SCUBE2: variants seen among roughly 807,000 people sequenced by gnomAD.
SCUBE2 encodes the protein signal peptide, CUB and EGF-like domain-containing protein 2.
Under a neutral mutation model 125.9 loss-of-function variants are expected in SCUBE2, and 114 were observed. That is an observed-to-expected ratio of 0.91 (90% confidence interval 0.78 to 1.06). SCUBE2 has a LOEUF of 1.06. SCUBE2 is among the 50% of genes least tolerant of loss of function. SCUBE2 has a pLI of 0.00. For synonymous variants in SCUBE2, 459 were observed against 492.9 expected, an observed-to-expected ratio of 0.93 and a Z score of 0.91; for missense variants, 1,255 against 1,301.8, an observed-to-expected ratio of 0.96 and a Z score of 0.55.
rs149923848 is a variant in SCUBE2 at position 9,027,400 on chromosome 11, C to T, written c.2665G>A (p.Asp889Asn). Reference protein sequence around the residue: ...VVPEIFLPIEDDCGDYLVMRK... With the variant: ...VVPEIFLPIENDCGDYLVMRK... ...ATCACCAGATAGTCCCCACAGTCGT[C>T]CTCTATGGGCAGGAAGATCTCAGGG... Residue 889 changes from aspartate to asparagine, a missense_variant, in exon 20 of 23, where the codon GAC becomes AAC. Asp to Asn is a conservative substitution (Grantham distance 23). Around this residue, in one of 3 missense-constraint regions of SCUBE2, gnomAD observed 515 missense variants for 515.7 expected, o/e 1.00. Coordinates refer to ENST00000649792, the MANE Select transcript of SCUBE2 (RefSeq NM_001367977.2). 7.8e-5 allele frequency: 126 copies of T among 1,614,038 alleles called. 1 individual carries two copies. In the East Asian group the frequency reaches 2.8e-3, roughly 35 times the overall value.
intron 19 of SCUBE2, among the ~76,000 whole-genome samples, chr11:9,029,084 C>T (rs536914442): frequency 3.9e-5 from 6 of 152,316 alleles, no homozygotes; most frequent in Non-Finnish European, 8.8e-5. Context: ...GCTCCTCTGA[C>T]TGCTATCTTA....
At chr11:9,039,550 G>A (rs370399158) in intron 16 of SCUBE2, among the ~76,000 whole-genome samples, 118 of 152,322 alleles carry the variant, frequency 7.7e-4, no homozygotes, top group African/African-American at 2.7e-3. Context: ...GGAAGGCACG[G>A]GTTCTACTGT....
intron 18 of SCUBE2, chr11:9,030,322 T>A: frequency 2.0e-6 from 1 of 493,760 alleles, no homozygotes; most frequent in Non-Finnish European, 3.7e-6. Flanking sequence ...ACTCCAGTCT[T>A]CATGCAGAGC....
Position 9,030,821 on chromosome 11 carries a change from A to G in SCUBE2, c.2278T>C (p.Cys760Arg). 6.2e-7 allele frequency: 1 copy of G among 1,614,220 alleles called. No homozygotes were observed. Among genetic ancestry groups the G allele is most frequent in the East Asian group, 2.2e-5 (1 of 44,890 alleles). ...PEAGRTSCFP[C>R]GGGLATKHQG... ...TGTTTGGTGGCAAGGCCTCCTCCAC[A>G]GGGGAAGCAGGAAGTTCGACCAGCT... Residue 760 changes from cysteine to arginine, a missense_variant, in exon 18 of 23, where the codon TGT (cysteine) becomes CGT (arginine). Physicochemically the swap from Cys to Arg is radical, Grantham distance 180. Coordinates refer to ENST00000649792, the MANE Select transcript of SCUBE2 (RefSeq NM_001367977.2).
intron 16 of SCUBE2, among the ~76,000 whole-genome samples, chr11:9,040,517 G>A (rs938186765): frequency 8.6e-6 from 1 of 116,672 alleles, no homozygotes; most frequent in African/African-American, 2.8e-5. Context: ...AGGAGAAAGG[G>A]AGGATTCATA....
chr11:9,069,314 G>A, intron 5 of SCUBE2, 56 bp downstream of exon 5: 4 of 1,602,168 alleles, frequency 2.5e-6, no homozygotes, highest in Admixed American at 1.7e-5. Flanking sequence ...GGCCACAGAA[G>A]GCAGCCTGTG....
chr11:9,060,250 C>G (rs1859533723), intron 8 of SCUBE2, among the ~76,000 whole-genome samples, 158 bp downstream of exon 8: 1 of 152,234 alleles, frequency 6.6e-6, no homozygotes, highest in African/African-American at 2.4e-5. Context: ...TAACCTTCCA[C>G]TAGCCCAGGG....
chr11:9,073,519 T>G (rs1860977996), intron 4 of SCUBE2, among the ~76,000 whole-genome samples: 1 of 152,144 alleles, frequency 6.6e-6, no homozygotes, highest in Non-Finnish European at 1.5e-5. Flanking sequence ...AAGAAACCCT[T>G]GAAAAGTTAC....
chr11:9,090,492 T>TATTTATTTATTTATTTATTTATTTA lies in SCUBE2; in HGVS notation c.134-664_134-663insTAAATAAATAAATAAATAAATAAAT, dbSNP rs55777434. 2 of 145,428 alleles carry TATTTATTTATTTATTTATTTATTTA rather than the reference T, an allele frequency of 1.4e-5. 1 individual carries two copies. Among genetic ancestry groups the TATTTATTTATTTATTTATTTATTTA allele is most frequent in the South Asian group, 4.5e-4 (2 of 4,444 alleles). The allele number at this position is 145,428 out of a possible 1,614,324, so 9.0% of individuals were successfully genotyped here. A position where few individuals can be genotyped will look rare whatever the true frequency, so the allele number is the denominator to read the frequency against. On this transcript the variant is annotated intron_variant, in intron 1 of 22. Coordinates refer to ENST00000649792, the MANE Select transcript of SCUBE2 (RefSeq NM_001367977.2). ...TTTTTTTTTTATTTATTTATTTATT[T>TATTTATTTATTTATTTATTTATTTA]TTTTTTTTTGCTCATCAGCTGTCGT...
intron 16 of SCUBE2, among the ~76,000 whole-genome samples, chr11:9,039,556 A>G (rs996202496): frequency 7.2e-5 from 11 of 152,342 alleles, no homozygotes; most frequent in African/African-American, 2.2e-4. Flanking sequence ...CACGGGTTCT[A>G]CTGTTGGTCT....
At chr11:9,021,382 T>G (rs1273406945) in intron 22 of SCUBE2, among the ~76,000 whole-genome samples, 185 bp from the exon 23 acceptor site, 1 of 152,158 alleles carries the variant, frequency 6.6e-6, no homozygotes, top group Non-Finnish European at 1.5e-5. Flanking sequence ...TTTTAAGAAG[T>G]ATGAATTACT....
chr11:9,086,704 T>C (rs1862096608), intron 2 of SCUBE2, among the ~76,000 whole-genome samples: 1 of 152,044 alleles, frequency 6.6e-6, no homozygotes, highest in South Asian at 2.1e-4. Context: ...AATACAAAAA[T>C]TAGCCGGGTG....
Position 9,059,666 on chromosome 11 carries a change from G to A in SCUBE2, c.968-241C>T, listed in dbSNP as rs761773616. On this transcript the variant is annotated intron_variant, in intron 8 of 22. Coordinates refer to ENST00000649792, the MANE Select transcript of SCUBE2 (RefSeq NM_001367977.2). ...CGCTGACTTATGATGCCCTTGATTG[G>A]CATTAAGGAAACAAACTCTGGGAAA... 59 of 500,838 alleles carry A rather than the reference G, an allele frequency of 1.2e-4. 1 individual carries two copies. The highest frequency in any genetic ancestry group is 1.1e-3 in the South Asian group (34 of 29,678). 31.0% of individuals were successfully genotyped at this position (500,838 alleles called of 1,614,324 possible). A position where few individuals can be genotyped will look rare whatever the true frequency, so the allele number is the denominator to read the frequency against.
At chr11:9,036,863 C>G (rs1226682053) in intron 16 of SCUBE2, among the ~76,000 whole-genome samples, 2 of 152,224 alleles carry the variant, frequency 1.3e-5, no homozygotes, top group Non-Finnish European at 2.9e-5. Context: ...TTCTTAACTG[C>G]TCGAAGTGCC....
At chr11:9,044,824 C>T (rs1309367571) in intron 16 of SCUBE2, among the ~76,000 whole-genome samples, 1 of 152,158 alleles carries the variant, frequency 6.6e-6, no homozygotes, top group Non-Finnish European at 1.5e-5. Context: ...ACTCTCTTCC[C>T]CCAGATATCT....
chr11:9,070,279 G>GAACAGCTGC (rs1260609885), intron 4 of SCUBE2, among the ~76,000 whole-genome samples: 1 of 152,158 alleles, frequency 6.6e-6, no homozygotes, highest in Non-Finnish European at 1.5e-5. Flanking sequence ...GTGGGAAGGG[G>GAACAGCTGC]AACAGCTGCT....
At chr11:9,065,318 T>C (rs1254827516) in intron 7 of SCUBE2, among the ~76,000 whole-genome samples, 1 of 152,100 alleles carries the variant, frequency 6.6e-6, no homozygotes, top group African/African-American at 2.4e-5. Flanking sequence ...GTTCTCATGA[T>C]AGAGTGAGAT....
rs1168432317 is a variant in SCUBE2, at chr11:9,053,132, G to A, written c.1414C>T (p.Leu472Phe). Reference protein sequence around the residue: ...GKSGGGDGCFLRCHSGIHLSS... With the variant: ...GKSGGGDGCFFRCHSGIHLSS... ...AGGTGAATGCCAGAGTGACATCTGA[G>A]GAAGCACCCGTCTCCTCCACCACTC... Residue 472 changes from leucine (L) to phenylalanine (F), a missense_variant, in exon 12 of 23, where the codon CTC becomes TTC. Leu to Phe is a conservative substitution (Grantham distance 22). This residue lies in a region of SCUBE2 where 378 missense variants were observed against 463.1 expected (regional missense o/e 0.82). Coordinates refer to ENST00000649792, the MANE Select transcript of SCUBE2 (RefSeq NM_001367977.2). 1 of 1,614,186 alleles carries A rather than the reference G, an allele frequency of 6.2e-7. No homozygotes were observed. Among genetic ancestry groups the A allele is most frequent in the African/African-American group, 1.3e-5 (1 of 75,048 alleles).
chr11:9,050,164 A>C (rs1319009966), intron 14 of SCUBE2: 1 of 159,954 alleles, frequency 6.3e-6, no homozygotes, highest in Non-Finnish European at 1.4e-5. Context: ...GCTTCCAAAA[A>C]CTAGACCCAG....
Sources: allele counts gnomAD v4.1 joint callset (sites outside exome capture counted in the v4.1 genomes callset), GRCh38; gene constraint gnomAD v4.1.1; regional missense constraint gnomAD v4.1.1; transcripts MANE v1.5; gene names NCBI Gene and HGNC (gene_info 2026-07-23, HGNC 2026-07-21).